Variants in PARG observed in about 807,000 individuals in gnomAD.
The protein encoded by PARG is poly(ADP-ribose) glycohydrolase.
A neutral mutation model predicts 113.0 loss-of-function variants in PARG; 35 were observed. That is an observed-to-expected ratio of 0.31 (90% CI 0.24 to 0.41). PARG has a LOEUF of 0.41. Among genes scored for constraint, PARG ranks in the 10% least tolerant of loss-of-function variants. PARG has a pLI of 1.00. For synonymous variants in PARG, 330 were observed against 409.9 expected (o/e 0.81, Z 2.36); for missense variants, 797 against 1,169.4 (o/e 0.68, Z 4.64).
At chr10:49,891,613 ATATATATATATTTTTT>A (rs1847796197) in intron 7 of PARG, among the ~76,000 whole-genome samples, 2 of 55,328 alleles carry the variant, frequency 3.6e-5, no homozygotes, top group South Asian at 6.7e-4. Context: ...ATATATATAT[ATATATATATATTTTTT>A]TTTTTTTTTT....
chr10:49,818,990 A>T lies in PARG; in HGVS notation c.*350T>A. 1 of 164,982 alleles carries T rather than the reference A, an allele frequency of 6.1e-6. No homozygotes were observed. The highest frequency in any genetic ancestry group is 2.4e-5 in the African/African-American group (1 of 42,070). 10.2% of individuals were successfully genotyped at this position (164,982 alleles called of 1,614,324 possible). Reference sequence around the variant, plus strand: ...GCTGGCATCTGCGGGCTGCAGAAGCAACTGGTATAATATATGGGCAGGAAG... The same window carrying T: ...GCTGGCATCTGCGGGCTGCAGAAGCTACTGGTATAATATATGGGCAGGAAG... On this transcript the variant is annotated 3_prime_UTR_variant, in exon 18 of 18. Transcript: ENST00000616448.
intron 13 of PARG, among the ~76,000 whole-genome samples, chr10:49,849,504 C>T (rs1845661292): frequency 6.6e-6 from 1 of 151,612 alleles, no homozygotes; most frequent in South Asian, 2.1e-4. Context: ...GGATTTATAT[C>T]CAAAATATAT....
intron 7 of PARG, among the ~76,000 whole-genome samples, chr10:49,890,544 G>A (rs1301190784): frequency 1.3e-5 from 2 of 152,126 alleles, no homozygotes; most frequent in African/African-American, 2.4e-5. Context: ...TGAATCTCAT[G>A]GCACAAAGCC....
intron 14 of PARG, among the ~76,000 whole-genome samples, chr10:49,843,150 A>G (rs1845329767): frequency 6.6e-6 from 1 of 152,248 alleles, no homozygotes; most frequent in African/African-American, 2.4e-5. Context: ...CAACTGTCGC[A>G]ACATAGGTTT....
chr10:49,922,069 C>A (rs189847341), intron 6 of PARG, among the ~76,000 whole-genome samples: 675 of 152,166 alleles, frequency 4.4e-3, no homozygotes, highest in East Asian at 0.018. Context: ...GAGAAGCTTG[C>A]ACTGAAGGAA....
At position 49,933,212 on chromosome 10, in the gene PARG, A is replaced by G. The variant is rs1838575904; in HGVS notation, c.1236T>C (p.Asp412=). ...QHGKKDSKIT[D]HFMRLPKAED... ...CTGCTTTGGGCAGTCTCATGAAATG[A>G]TCTGTGATTTTAGAATCCTTTTTTC... Residue 412 remains aspartate (D), a synonymous_variant, in exon 3 of 18, where the codon GAT becomes GAC. Transcript: ENST00000616448. The G allele has an allele frequency of 1.3e-6, 2 of 1,587,164 alleles. No individual in the cohort carries two copies. The highest frequency in any genetic ancestry group is 2.7e-5 in the African/African-American group (2 of 74,584).
At chr10:49,916,073 C>A (rs1331674164) in intron 6 of PARG, 82 bp from the exon 7 acceptor site, 16 of 748,898 alleles carry the variant, frequency 2.1e-5, no homozygotes, top group Non-Finnish European at 3.8e-5. Flanking sequence ...TATGAATTAC[C>A]TCCAGTACAT....
chr10:49,829,189 T>C (rs543137228), intron 16 of PARG, among the ~76,000 whole-genome samples: 16 of 152,018 alleles, frequency 1.1e-4, no homozygotes, highest in African/African-American at 3.4e-4. Context: ...TGAGTCGAGA[T>C]AGTGCCACTG....
intron 17 of PARG, 68 bp from the exon 18 acceptor site, chr10:49,819,562 C>T (rs940327536): frequency 5.8e-6 from 7 of 1,200,220 alleles, no homozygotes; most frequent in Non-Finnish European, 8.3e-6. Flanking sequence ...AGAAAGAACA[C>T]TCCAGTTTTA....
At chr10:49,901,872 T>G (rs1554843826) in intron 7 of PARG, among the ~76,000 whole-genome samples, 1 of 152,210 alleles carries the variant, frequency 6.6e-6, no homozygotes, top group East Asian at 1.9e-4. Context: ...AGAAGGATCC[T>G]TAGGGATGAC....
chr10:49,900,195 A>G (rs1489183027), intron 7 of PARG, among the ~76,000 whole-genome samples: 1 of 151,498 alleles, frequency 6.6e-6, no homozygotes, highest in Admixed American at 6.6e-5. Context: ...AGGAGGAATG[A>G]AGGGAGAAAG....
chr10:49,874,328 T>C (rs1227137707), intron 9 of PARG, among the ~76,000 whole-genome samples: 4 of 152,194 alleles, frequency 2.6e-5, no homozygotes, highest in African/African-American at 9.7e-5. Context: ...AAATCAACAT[T>C]CATTTACATA....
chr10:49,841,963 C>T lies in PARG; in HGVS notation c.2528G>A (p.Arg843His), dbSNP rs782110437. ...LDQFVPEKMR[R>H]ELNKAYCGFL... is the part of the protein sequence containing the mutation. ...AAGGTTACTGGCCTTGTTCAGCTCGCGTCTCATTTTCTCAGGCACAAACTG... is the reference window on the plus strand; with the variant it reads ...AAGGTTACTGGCCTTGTTCAGCTCGTGTCTCATTTTCTCAGGCACAAACTG... Residue 843 changes from arginine (R) to histidine (H), a missense_variant, in exon 15 of 18, where the codon CGC becomes CAC. Physicochemically the swap from Arg to His is conservative, Grantham distance 29. Transcript: ENST00000616448. 3.9e-6 allele frequency: 6 copies of T among 1,545,726 alleles called. No individual in the cohort carries two copies. Among genetic ancestry groups the T allele is most frequent in the Non-Finnish European group, 4.4e-6 (5 of 1,144,488 alleles).
At position 49,920,362 on chromosome 10, in the gene PARG, G is replaced by A. The variant is rs184065393; in HGVS notation, c.1662+1974C>T. The stretch of plus-strand genomic sequence containing the variant: ...TACTCAGGAGGCTGAGATGAGGATC[G>A]CTTGAGTCTGGGAAGCAGAGGTTGC... On this transcript the variant is annotated intron_variant, in intron 6 of 17. Transcript: ENST00000616448. Among the ~76,000 whole-genome samples the A allele has an allele frequency of 2.5e-3, 371 of 149,062 alleles. 1 individual carries two copies. The highest frequency in any genetic ancestry group is 8.7e-3 in the African/African-American group (352 of 40,534).
At chr10:49,921,688 AC>A (rs1391778752) in intron 6 of PARG, among the ~76,000 whole-genome samples, 1 of 152,010 alleles carries the variant, frequency 6.6e-6, no homozygotes, top group African/African-American at 2.4e-5. Flanking sequence ...AAATTCTGTC[AC>A]TGTTTATATT....
chr10:49,933,432 T>C lies in PARG; in HGVS notation c.1016A>G (p.Asn339Ser), dbSNP rs2132976868. 1.9e-6 allele frequency: 3 copies of C among 1,613,536 alleles called. No homozygotes were observed. In the East Asian group the frequency reaches 6.7e-5, roughly 36 times the overall value. ...QEDGSSSQTA[N>S]KPSRFQARDA... ...TCTTGCTTGGAACCTTGAAGGTTTA[T>C]TTGCTGTTTGGGAGGAACTACCATC... The change falls in exon 3 of 18, where the codon AAT becomes AGT. Residue 339 changes from asparagine to serine, a missense_variant. Coordinates refer to ENST00000616448, the MANE Select transcript of PARG (RefSeq NM_003631.5).
At chr10:49,830,135 A>T (rs1554830062) in intron 16 of PARG, among the ~76,000 whole-genome samples, 10 of 152,238 alleles carry the variant, frequency 6.6e-5, no homozygotes. Flanking sequence ...CTGCAGTCTG[A>T]AAGGCTTTTA....
intron 4 of PARG, among the ~76,000 whole-genome samples, chr10:49,930,706 ATGTTACTCT>A (rs2132958716): frequency 6.7e-6 from 1 of 148,904 alleles, no homozygotes; most frequent in African/African-American, 2.5e-5. Context: ...ACTCTGCTCA[ATGTTACTCT>A]CACCTCTAAA....
intron 16 of PARG, among the ~76,000 whole-genome samples, chr10:49,827,907 T>G (rs781787222): frequency 1.1e-4 from 17 of 152,176 alleles, no homozygotes; most frequent in Non-Finnish European, 2.2e-4. Context: ...ATTATCTACA[T>G]TCTTTGATTA....
Sources: gnomAD v4.1 joint callset for allele counts (sites outside exome capture counted in the v4.1 genomes callset) on GRCh38, gnomAD v4.1.1 for gene constraint, MANE v1.5 for transcripts, NCBI Gene and HGNC (gene_info 2026-07-23, HGNC 2026-07-21) for gene names.